Variants in TENM4 observed in about 807,000 individuals in gnomAD.
TENM4 encodes teneurin transmembrane protein 4, also known as teneurin-4.
In TENM4, 82 loss-of-function variants were observed where a neutral mutation model predicts 243.3. The observed-to-expected ratio is 0.34, with a 90% confidence interval of 0.28 to 0.40. TENM4 has a LOEUF of 0.40. Ranked by LOEUF, TENM4 falls within the 10% of genes least tolerant of loss-of-function variation. The pLI is 1.00. For missense variants in TENM4, 3,138 were observed against 3,673.3 expected (o/e 0.85, Z 3.77); for synonymous variants, 1,412 against 1,456.3 (o/e 0.97, Z 0.69).
At chr11:78,977,156 C>T (rs960216789) in intron 6 of TENM4, among the ~76,000 whole-genome samples, 13 of 152,206 alleles carry the variant, frequency 8.5e-5, no homozygotes, top group African/African-American at 3.1e-4. Flanking sequence ...AGCTGCATCA[C>T]TCCAGTTTCT....
intron 3 of TENM4, among the ~76,000 whole-genome samples, chr11:79,208,420 G>A (rs561215043): frequency 6.6e-6 from 1 of 152,210 alleles, no homozygotes. Context: ...TAAAATGGGG[G>A]TGATAAGAAT....
At chr11:79,309,834 A>G (rs957578553) in intron 1 of TENM4, among the ~76,000 whole-genome samples, 1 of 152,170 alleles carries the variant, frequency 6.6e-6, no homozygotes, top group Non-Finnish European at 1.5e-5. Flanking sequence ...AAGCTCACAA[A>G]TCCACTCACA....
chr11:78,711,311 G>A (rs1380211024), intron 26 of TENM4, among the ~76,000 whole-genome samples: 2 of 152,190 alleles, frequency 1.3e-5, no homozygotes, highest in Non-Finnish European at 2.9e-5. Flanking sequence ...CATGTGCGGG[G>A]TACTACTGCG....
intron 1 of TENM4, among the ~76,000 whole-genome samples, chr11:79,352,692 C>T (rs551125628): frequency 2.2e-4 from 34 of 152,214 alleles, no homozygotes; most frequent in African/African-American, 7.9e-4. Flanking sequence ...GCTGTGGAGT[C>T]CCATAGCAGC....
Position 78,908,868 on chromosome 11 carries a change from C to T in TENM4, c.494-5345G>A, listed in dbSNP as rs1457260897. Among the ~76,000 whole-genome samples, 3 of 152,306 alleles carry T rather than the reference C, an allele frequency of 2.0e-5. No individual in the cohort carries two copies. The South Asian group carries it at 6.2e-4, about 32-fold the overall frequency. On this transcript the variant is annotated intron_variant, in intron 6 of 33. Coordinates refer to ENST00000278550, the MANE Select transcript of TENM4 (RefSeq NM_001098816.3). Reference sequence around the variant, plus strand: ...TTAATCAGCCAGGAATATTAAACAGCCCCTTGTTGTATGCAGGGACTTGAT... The same window carrying T: ...TTAATCAGCCAGGAATATTAAACAGTCCCTTGTTGTATGCAGGGACTTGAT...
At chr11:78,969,132 A>T (rs1375084553) in intron 6 of TENM4, among the ~76,000 whole-genome samples, 1 of 152,158 alleles carries the variant, frequency 6.6e-6, no homozygotes, top group Non-Finnish European at 1.5e-5. Flanking sequence ...GCCAATATTG[A>T]TTTCGTCTGC....
intron 18 of TENM4, among the ~76,000 whole-genome samples, chr11:78,769,393 C>T (rs141023969): frequency 1.8e-4 from 27 of 152,240 alleles, no homozygotes; most frequent in Admixed American, 3.9e-4. Flanking sequence ...CAAGTGTCAC[C>T]TTCTGATGAA....
At chr11:78,710,818 G>A (rs1360966159) in intron 26 of TENM4, among the ~76,000 whole-genome samples, 1 of 152,240 alleles carries the variant, frequency 6.6e-6, no homozygotes, top group African/African-American at 2.4e-5. Flanking sequence ...TTGGGTAAAT[G>A]CACTGCCGCT....
intron 6 of TENM4, among the ~76,000 whole-genome samples, chr11:79,001,887 C>T (rs1172176001): frequency 1.3e-5 from 2 of 152,146 alleles, no homozygotes; most frequent in East Asian, 1.9e-4. Flanking sequence ...GCAGAACATC[C>T]CCTGCCAATG....
chr11:79,407,963 G>C (rs1858608778), intron 1 of TENM4, among the ~76,000 whole-genome samples: 2 of 151,472 alleles, frequency 1.3e-5, no homozygotes, highest in Admixed American at 1.3e-4. Flanking sequence ...GGGTGCAGGA[G>C]CATGATCTTG....
At chr11:79,035,230 T>C (rs894497754) in intron 6 of TENM4, among the ~76,000 whole-genome samples, 2 of 152,236 alleles carry the variant, frequency 1.3e-5, no homozygotes, top group African/African-American at 2.4e-5. Context: ...GGCTGTGCAA[T>C]GGCCATGGTG....
At chr11:79,054,899 G>A (rs543479718) in intron 6 of TENM4, among the ~76,000 whole-genome samples, 3 of 152,228 alleles carry the variant, frequency 2.0e-5, no homozygotes, top group African/African-American at 7.2e-5. Flanking sequence ...GGGAGGCTGA[G>A]GTGGGTGGAT....
At chr11:78,956,975 C>A (rs1857218899) in intron 6 of TENM4, among the ~76,000 whole-genome samples, 1 of 152,054 alleles carries the variant, frequency 6.6e-6, no homozygotes, top group Admixed American at 6.5e-5. Flanking sequence ...GAATTTTAAC[C>A]CAATAAATTA....
chr11:79,159,644 G>A (rs1862699068), intron 3 of TENM4, among the ~76,000 whole-genome samples: 1 of 152,124 alleles, frequency 6.6e-6, no homozygotes, highest in South Asian at 2.1e-4. Context: ...GGCTGACCCA[G>A]ATGTTGAGCC....
rs145373603 is a variant in TENM4, at chr11:79,051,252, G to GA, written c.493+13485dup. On this transcript the variant is annotated intron_variant, in intron 6 of 33. Transcript: ENST00000278550. ...TAATCCTTACAACCACACTGTGAGA[G>GA]AGATACCAGAATTATCCCCATTTTA... Among the ~76,000 whole-genome samples the GA allele has an allele frequency of 8.5e-3, 1,292 of 152,316 alleles. 16 individuals carry two copies. The highest frequency in any genetic ancestry group is 0.03 in the African/African-American group (1,234 of 41,566).
At chr11:79,153,003 T>A (rs1862539327) in intron 3 of TENM4, among the ~76,000 whole-genome samples, 1 of 152,200 alleles carries the variant, frequency 6.6e-6, no homozygotes, top group East Asian at 1.9e-4. Context: ...GGGCACATTT[T>A]TAGAATGGCT....
chr11:79,299,582 A>C (rs1036703796), intron 1 of TENM4, among the ~76,000 whole-genome samples: 1 of 152,226 alleles, frequency 6.6e-6, no homozygotes, highest in Non-Finnish European at 1.5e-5. Flanking sequence ...TTTGGTATAA[A>C]ACTGCATAAT....
At chr11:79,371,561 A>G (rs1185868828) in intron 1 of TENM4, among the ~76,000 whole-genome samples, 1 of 152,196 alleles carries the variant, frequency 6.6e-6, no homozygotes, top group Non-Finnish European at 1.5e-5. Context: ...CACATATTCT[A>G]GAAGGATAAA....
chr11:79,202,364 C>T (rs929702419), intron 3 of TENM4, among the ~76,000 whole-genome samples: 8 of 152,158 alleles, frequency 5.3e-5, no homozygotes, highest in African/African-American at 1.2e-4. Context: ...TAGCAATCAG[C>T]GAGTAATCAT....
Sources: gnomAD v4.1 joint callset for allele counts (sites outside exome capture counted in the v4.1 genomes callset) on GRCh38, gnomAD v4.1.1 for gene constraint, MANE v1.5 for transcripts, NCBI Gene and HGNC (gene_info 2026-07-23, HGNC 2026-07-21) for gene names.